The following TCEAL2 variants were observed in gnomAD, a reference collection of about 807,000 sequenced individuals.
The protein encoded by TCEAL2 is transcription elongation factor A protein-like 2.
For synonymous variants in TCEAL2, 65 were observed against 57.9 expected (o/e 1.12, Z -0.55); for missense variants, 169 against 166.6 (o/e 1.01, Z -0.08).
chrX:102,126,696 C>T (rs1472197090), intron 2 of TCEAL2, 108 bp from the exon 3 acceptor site: 24 of 823,409 alleles, frequency 2.9e-5, no homozygotes, highest in Non-Finnish European at 2.7e-5. Context: ...TAGGGGAACC[C>T]TCACCAGGGG....
At chrX:102,126,337 G>A (rs1287806081) in intron 1 of TCEAL2, 36 bp from the exon 2 acceptor site, 5 of 978,040 alleles carry the variant, frequency 5.1e-6, no homozygotes, top group Non-Finnish European at 5.6e-6. Flanking sequence ...CCCGCTAAGC[G>A]CGCAGCCCCT....
Position 102,127,591 on chromosome X carries a change from C to T in TCEAL2, c.*77C>T. The T allele has an allele frequency of 9.3e-7, 1 of 1,073,056 alleles. No homozygotes were observed. The highest frequency in any genetic ancestry group is 1.2e-6 in the Non-Finnish European group (1 of 814,879). 88.4% of individuals were successfully genotyped at this position (1,073,056 alleles called of 1,213,427 possible). On this transcript the variant is annotated 3_prime_UTR_variant, in exon 3 of 3. Transcript: ENST00000372780. The stretch of plus-strand genomic sequence containing the variant: ...TTTGCTTTAGTCGTTCCTCCTGCTA[C>T]CAGTAGCGTTTTGACCCACCTGCCA...
At chrX:102,125,992 C>T (rs1047887340) in intron 1 of TCEAL2, 186 bp downstream of exon 1, 11 of 118,076 alleles carry the variant, frequency 9.3e-5, no homozygotes, top group Non-Finnish European at 1.9e-4. Flanking sequence ...CTCGACGCCC[C>T]CTTGCACTGA....
At position 102,126,411 on chromosome X, in the gene TCEAL2, G is replaced by A. The variant is rs1340407015; in HGVS notation, c.-62G>A. ...TTGTTCCCAGCGCTCTGAGAGGCCTGAAAAGGAAGAGCAACCTGTCCAGAA... is the reference window on the plus strand; with the variant it reads ...TTGTTCCCAGCGCTCTGAGAGGCCTAAAAAGGAAGAGCAACCTGTCCAGAA... On this transcript the variant is annotated 5_prime_UTR_variant, in exon 2 of 3. Transcript: ENST00000372780. The A allele has an allele frequency of 4.9e-5, 54 of 1,104,068 alleles. No homozygotes were observed. The highest frequency in any genetic ancestry group is 6.6e-5 in the Non-Finnish European group (54 of 817,693). The allele number at this position is 1,104,068 out of a possible 1,213,427, so 91.0% of individuals were successfully genotyped here.
chrX:102,126,761 T>C, intron 2 of TCEAL2, 43 bp from the exon 3 acceptor site: 2 of 1,097,683 alleles, frequency 1.8e-6, no homozygotes, highest in East Asian at 6.0e-5. Context: ...CAGTCTCCCA[T>C]GTCTCCTCTT....
In TCEAL2 at chrX:102,126,303, G is replaced by A. The variant is rs780132986; in HGVS notation, c.-100-70G>A. 322 of 821,021 alleles carry A rather than the reference G, an allele frequency of 3.9e-4. 2 individuals are homozygous for A. The South Asian group carries it at 8.2e-3, about 21-fold the overall frequency. The allele number at this position is 821,021 out of a possible 1,213,427, so 67.7% of individuals were successfully genotyped here. A position where few individuals can be genotyped will look rare whatever the true frequency, so the allele number is the denominator to read the frequency against. On this transcript the variant is annotated intron_variant, in intron 1 of 2. Transcript: ENST00000372780. ...GTGGGTAAGCAGGGCCTGGACTCAG[G>A]AAAGGGAACCGAGTCCCTGTGAGCC...
intron 2 of TCEAL2, 84 bp from the exon 3 acceptor site, chrX:102,126,720 G>A: frequency 1.1e-6 from 1 of 919,453 alleles, no homozygotes; most frequent in Non-Finnish European, 1.5e-6. Flanking sequence ...GATGCAAGTA[G>A]TATCCAGACC....
rs1419865111 is a variant in TCEAL2 at position 102,127,518 on chromosome X, C to T, written c.*4C>T. ...TGAAGACATTCCTTATGTGTAGTGT[C>T]CCTGGCAGGCATTTGTCAGGCCATA... On this transcript the variant is annotated 3_prime_UTR_variant, in exon 3 of 3. Coordinates refer to ENST00000372780, the MANE Select transcript of TCEAL2 (RefSeq NM_080390.4). 1 of 1,155,794 alleles carries T rather than the reference C, an allele frequency of 8.7e-7. No homozygotes were observed. The highest frequency in any genetic ancestry group is 1.8e-5 in the African/African-American group (1 of 55,276).
In TCEAL2 at chrX:102,127,578, G is replaced by T. The variant is rs1569460941; in HGVS notation, c.*64G>T. ...CTTATGGTAATACTTTGCTTTAGTC[G>T]TTCCTCCTGCTACCAGTAGCGTTTT... On this transcript the variant is annotated 3_prime_UTR_variant, in exon 3 of 3. Transcript: ENST00000372780. 1 of 1,095,385 alleles carries T rather than the reference G, an allele frequency of 9.1e-7. No homozygotes were observed. 90.3% of individuals were successfully genotyped at this position (1,095,385 alleles called of 1,213,427 possible).
chrX:102,126,169 G>A, intron 1 of TCEAL2: 1 of 387,621 alleles, frequency 2.6e-6, no homozygotes. Flanking sequence ...GTTGCCTCCG[G>A]GGAAGGGGGA....
In TCEAL2 at chrX:102,126,890, T is replaced by G. The variant is rs1347994549; in HGVS notation, c.60T>G (p.Asn20Lys). ...CTTCGAATCAAGGAAAGATAGACAA[T>G]GAAGAACAGCCACCGCACGAGGGAA... The part of the protein sequence containing the change: ...GMPSNQGKID[N>K]EEQPPHEGKP... Residue 20 changes from asparagine to lysine, a missense_variant, in exon 3 of 3, where the codon AAT becomes AAG. Physicochemically the swap from Asn to Lys is moderately conservative, Grantham distance 94 (BLOSUM62 0). Transcript: ENST00000372780. 8.3e-7 allele frequency: 1 copy of G among 1,210,571 alleles called. No homozygotes were observed. Among genetic ancestry groups the G allele is most frequent in the South Asian group, 1.8e-5 (1 of 56,679 alleles).
At chrX:102,126,222 C>G in intron 1 of TCEAL2, 151 bp from the exon 2 acceptor site, 1 of 606,761 alleles carries the variant, frequency 1.6e-6, no homozygotes, top group African/African-American at 2.3e-5. Flanking sequence ...GGTTTGGTGC[C>G]CGAGGCCTGG....
At position 102,126,965 on chromosome X, in the gene TCEAL2, A is replaced by C. The variant is rs1304185410; in HGVS notation, c.135A>C (p.Gly45=). The change falls in exon 3 of 3, where the codon GGA becomes GGC. Residue 45 remains glycine (G), a synonymous_variant. Transcript: ENST00000372780. ...ILEDKKLENE[G]NTENTGKRVE... ...AAGACAAGAAGTTAGAAAACGAGGG[A>C]AACACAGAAAACACGGGCAAGAGAG... The C allele has an allele frequency of 8.3e-7, 1 of 1,211,947 alleles. No homozygotes were observed. Among genetic ancestry groups the C allele is most frequent in the Middle Eastern group, 2.3e-4 (1 of 4,352 alleles).
chrX:102,127,701 CT>C lies in TCEAL2; in HGVS notation c.*189del. 1 of 398,955 alleles carries C rather than the reference CT, an allele frequency of 2.5e-6. No individual in the cohort carries two copies. The highest frequency in any genetic ancestry group is 4.1e-6 in the Non-Finnish European group (1 of 243,306). 32.9% of individuals were successfully genotyped at this position (398,955 alleles called of 1,213,427 possible). ...CATGATTCGTGGAAAAATAAAGCAGCTTATAATATCATCTACAGAATCTGTC... is the reference window on the plus strand; with the variant it reads ...CATGATTCGTGGAAAAATAAAGCAGCTATAATATCATCTACAGAATCTGTC... On this transcript the variant is annotated 3_prime_UTR_variant, in exon 3 of 3. Coordinates refer to ENST00000372780, the MANE Select transcript of TCEAL2 (RefSeq NM_080390.4).
In TCEAL2 at chrX:102,127,304, T is replaced by C. The variant is rs113561183; in HGVS notation, c.474T>C (p.His158=). Residue 158 remains histidine, a synonymous_variant, in exon 3 of 3, where the codon CAT becomes CAC. Coordinates refer to ENST00000372780, the MANE Select transcript of TCEAL2 (RefSeq NM_080390.4). ...QYLKQYKEAI[H]DMNFSNEDMI... is the part of the protein sequence containing the mutation. ...TCAAGCAATATAAGGAAGCCATACA[T>C]GATATGAATTTCAGCAATGAGGACA... 2.4e-4 allele frequency: 290 copies of C among 1,209,239 alleles called. No homozygotes were observed. Among genetic ancestry groups the C allele is most frequent in the Non-Finnish European group, 3.1e-4 (277 of 895,053 alleles).
rs748382897 is a variant in TCEAL2 at position 102,127,274 on chromosome X, G to T, written c.444G>T (p.Gln148His). The change falls in exon 3 of 3, where the codon CAG becomes CAT. Residue 148 changes from glutamine to histidine, a missense_variant. Physicochemically the swap from Gln to His is conservative, Grantham distance 24 (BLOSUM62 0). Transcript: ENST00000372780. ...GAAAAACCAACAAGGGGCTGGCTCA[G>T]TACCTCAAGCAATATAAGGAAGCCA... ...AKRKTNKGLA[Q>H]YLKQYKEAIH... The T allele has an allele frequency of 1.6e-5, 19 of 1,211,803 alleles. No homozygotes were observed. Among genetic ancestry groups the T allele is most frequent in the Middle Eastern group, 2.3e-4 (1 of 4,353 alleles).
In TCEAL2 at chrX:102,127,653, A is replaced by T. The variant is rs372538943; in HGVS notation, c.*139A>T. 1 of 646,464 alleles carries T rather than the reference A, an allele frequency of 1.5e-6. No individual in the cohort carries two copies. The highest frequency in any genetic ancestry group is 2.2e-5 in the African/African-American group (1 of 45,239). The allele number at this position is 646,464 out of a possible 1,213,427, so 53.3% of individuals were successfully genotyped here. On this transcript the variant is annotated 3_prime_UTR_variant, in exon 3 of 3. Transcript: ENST00000372780. ...CTCTATGTTTCAGTAGCAGATTTTCACACATGTGCATTGCAGAGACGTCAT... is the reference window on the plus strand; with the variant it reads ...CTCTATGTTTCAGTAGCAGATTTTCTCACATGTGCATTGCAGAGACGTCAT...
intron 1 of TCEAL2, 38 bp from the exon 2 acceptor site, chrX:102,126,335 G>C (rs1932892700): frequency 8.2e-6 from 8 of 974,877 alleles, no homozygotes; most frequent in African/African-American, 3.9e-5. Context: ...AGCCCGCTAA[G>C]CGCGCAGCCC....
chrX:102,127,698 C>A lies in TCEAL2; in HGVS notation c.*184C>A. On this transcript the variant is annotated 3_prime_UTR_variant, in exon 3 of 3. Transcript: ENST00000372780. ...CGTCATGATTCGTGGAAAAATAAAG[C>A]AGCTTATAATATCATCTACAGAATC... is the stretch of plus-strand genomic sequence containing the variant. 1 of 420,252 alleles carries A rather than the reference C, an allele frequency of 2.4e-6. No individual in the cohort carries two copies. Among genetic ancestry groups the A allele is most frequent in the Non-Finnish European group, 3.8e-6 (1 of 260,543 alleles). The allele number at this position is 420,252 out of a possible 1,213,427, so 34.6% of individuals were successfully genotyped here.
Sources: gnomAD v4.1 joint callset for allele counts on GRCh38, gnomAD v4.1.1 for gene constraint, MANE v1.5 for transcripts, NCBI Gene and HGNC (gene_info 2026-07-23, HGNC 2026-07-21) for gene names.